KCNQ5: variants seen among roughly 807,000 people sequenced by gnomAD.
KCNQ5 encodes potassium voltage-gated channel subfamily Q member 5.
In KCNQ5, 30 loss-of-function variants were observed where a neutral mutation model predicts 98.2. The ratio of observed to expected loss-of-function variants is 0.31; its 90% CI spans 0.23 to 0.41. KCNQ5 has a LOEUF of 0.41. KCNQ5 is among the 10% of genes least tolerant of loss of function. KCNQ5 has a pLI of 1.00. For synonymous variants in KCNQ5, 458 were observed against 449.4 expected (o/e 1.02, Z -0.24); for missense variants, 835 against 1,182.5 (o/e 0.71, Z 4.31).
chr6:72,873,020 A>G (rs962008496), intron 1 of KCNQ5, among the ~76,000 whole-genome samples: 24 of 152,146 alleles, frequency 1.6e-4, no homozygotes, highest in Non-Finnish European at 3.1e-4. Flanking sequence ...GAGTGCTCAC[A>G]TTTTTGTAGC....
intron 1 of KCNQ5, among the ~76,000 whole-genome samples, chr6:72,681,252 G>A (rs559768542): frequency 6.6e-6 from 1 of 152,336 alleles, no homozygotes; most frequent in Admixed American, 6.5e-5. Context: ...GCTGTGTGAT[G>A]ATGCTAGTTT....
At chr6:73,159,587 T>C (rs1777528306) in intron 10 of KCNQ5, among the ~76,000 whole-genome samples, 1 of 152,232 alleles carries the variant, frequency 6.6e-6, no homozygotes, top group Non-Finnish European at 1.5e-5. Context: ...TGTCAAAGTG[T>C]ACCAAATTCA....
intron 1 of KCNQ5, among the ~76,000 whole-genome samples, chr6:72,837,917 A>G (rs1339990636): frequency 6.6e-6 from 1 of 152,066 alleles, no homozygotes; most frequent in Non-Finnish European, 1.5e-5. Context: ...AGTATATGTT[A>G]TGGACACCAA....
intron 1 of KCNQ5, among the ~76,000 whole-genome samples, chr6:72,927,432 T>C (rs1370098051): frequency 6.6e-6 from 1 of 152,108 alleles, no homozygotes; most frequent in Non-Finnish European, 1.5e-5. Flanking sequence ...ATTGTTTTTG[T>C]CATGTGTTCT....
chr6:73,141,471 C>G (rs776797972), intron 10 of KCNQ5, among the ~76,000 whole-genome samples: 3 of 152,232 alleles, frequency 2.0e-5, no homozygotes, highest in Non-Finnish European at 4.4e-5. Context: ...ACCTGGCTTT[C>G]TACTCTAATC....
At chr6:73,158,081 G>A in intron 10 of KCNQ5, 1 of 527,216 alleles carries the variant, frequency 1.9e-6, no homozygotes, top group Non-Finnish European at 3.5e-6. Flanking sequence ...GCCGGAACCC[G>A]CGCTGGAGCC....
chr6:72,833,424 T>A (rs1023558082), intron 1 of KCNQ5, among the ~76,000 whole-genome samples: 1 of 152,216 alleles, frequency 6.6e-6, no homozygotes, highest in Non-Finnish European at 1.5e-5. Context: ...TTTTATCATA[T>A]TGTATACTTT....
intron 1 of KCNQ5, among the ~76,000 whole-genome samples, chr6:72,921,828 G>T (rs1780412487): frequency 6.6e-6 from 1 of 152,136 alleles, no homozygotes; most frequent in Non-Finnish European, 1.5e-5. Flanking sequence ...AAAGCTGGGT[G>T]TCAGTAATTC....
At chr6:73,119,532 G>A (rs1483775222) in intron 7 of KCNQ5, among the ~76,000 whole-genome samples, 2 of 152,144 alleles carry the variant, frequency 1.3e-5, no homozygotes, top group Non-Finnish European at 2.9e-5. Flanking sequence ...AAATCCGTAG[G>A]TGTTTTGCAG....
chr6:72,869,868 C>T (rs945840654), intron 1 of KCNQ5, among the ~76,000 whole-genome samples: 7 of 152,062 alleles, frequency 4.6e-5, no homozygotes, highest in South Asian at 2.1e-4. Context: ...AGCCAGGGTG[C>T]GATGAGGGTC....
intron 1 of KCNQ5, among the ~76,000 whole-genome samples, chr6:72,639,657 G>C (rs781302050): frequency 1.3e-5 from 2 of 152,182 alleles, no homozygotes; most frequent in Non-Finnish European, 2.9e-5. Context: ...CTCTAAGAGA[G>C]ATGCTGATAA....
intron 1 of KCNQ5, among the ~76,000 whole-genome samples, chr6:72,839,075 A>T (rs1776666747): frequency 6.6e-6 from 1 of 152,068 alleles, no homozygotes; most frequent in Non-Finnish European, 1.5e-5. Context: ...CCAAGTATAT[A>T]AAATGATTTT....
At chr6:72,843,265 T>C (rs1776876651) in intron 1 of KCNQ5, among the ~76,000 whole-genome samples, 1 of 152,218 alleles carries the variant, frequency 6.6e-6, no homozygotes, top group African/African-American at 2.4e-5. Flanking sequence ...CTTGTTTTTG[T>C]CAGGTTTGTC....
intron 10 of KCNQ5, among the ~76,000 whole-genome samples, chr6:73,149,775 C>A (rs1448270895): frequency 7.8e-6 from 1 of 127,982 alleles, no homozygotes. Flanking sequence ...CCAGCATGGG[C>A]GACAGTGGGA....
intron 1 of KCNQ5, among the ~76,000 whole-genome samples, chr6:72,774,344 G>A (rs1773059696): frequency 1.3e-5 from 2 of 152,024 alleles, no homozygotes; most frequent in Non-Finnish European, 2.9e-5. Context: ...TATAAAAACA[G>A]GTGACAGGCT....
intron 2 of KCNQ5, among the ~76,000 whole-genome samples, chr6:73,036,170 A>G (rs1228250161): frequency 2.6e-5 from 4 of 151,936 alleles, no homozygotes; most frequent in Non-Finnish European, 5.9e-5. Context: ...GCAGATCACG[A>G]GGTCAGGAGA....
At position 73,197,892 on chromosome 6, in the gene KCNQ5, C is replaced by G. The variant is rs1157939280; in HGVS notation, c.*2478C>G. 2.6e-5 allele frequency: 4 copies of G among 152,234 alleles called. No homozygotes were observed. Among genetic ancestry groups the G allele is most frequent in the Admixed American group, 2.6e-4 (4 of 15,268 alleles). The allele number at this position is 152,234 out of a possible 1,614,324, so 9.4% of individuals were successfully genotyped here. A position where few individuals can be genotyped will look rare whatever the true frequency, so the allele number is the denominator to read the frequency against. On this transcript the variant is annotated 3_prime_UTR_variant, in exon 14 of 14. Coordinates refer to ENST00000370398, the MANE Select transcript of KCNQ5 (RefSeq NM_019842.4). ...ACGACTGAAGATTCAGAAACAAAAC[C>G]TACACACAGCACTGAGGTCTTAATC...
intron 1 of KCNQ5, among the ~76,000 whole-genome samples, chr6:72,890,442 G>A (rs1779014627): frequency 6.6e-6 from 1 of 150,422 alleles, no homozygotes; most frequent in Non-Finnish European, 1.5e-5. Flanking sequence ...CATTTCTGTG[G>A]CAACTCTATA....
intron 1 of KCNQ5, among the ~76,000 whole-genome samples, chr6:72,627,032 C>T (rs1424057360): frequency 6.6e-6 from 1 of 152,086 alleles, no homozygotes; most frequent in Non-Finnish European, 1.5e-5. Context: ...TTGAGTCATT[C>T]AGGTGGAGAT....
Sources: allele counts gnomAD v4.1 joint callset (sites outside exome capture counted in the v4.1 genomes callset), GRCh38; gene constraint gnomAD v4.1.1; transcripts MANE v1.5; gene names NCBI Gene and HGNC (gene_info 2026-07-23, HGNC 2026-07-21).